Variants in TMEM74 observed in about 807,000 individuals in gnomAD.
TMEM74 encodes the protein transmembrane protein 74.
TMEM74 carries 13 observed loss-of-function variants against 18.1 expected under a neutral mutation model. The ratio of observed to expected loss-of-function variants is 0.72; its 90% CI spans 0.47 to 1.14. The LOEUF is 1.14. Ranked by LOEUF, TMEM74 falls within the 50% of genes most tolerant of loss-of-function variation. The pLI, the probability that TMEM74 is intolerant of heterozygous loss-of-function variation, is 0.00. For missense variants in TMEM74, 372 were observed against 375.9 expected, an observed-to-expected ratio of 0.99 and a Z score of 0.09; for synonymous variants, 159 against 146.6, an observed-to-expected ratio of 1.08 and a Z score of -0.61.
chr8:108,613,172 C>T (rs1319117837), intron 2 of TMEM74, among the ~76,000 whole-genome samples: 1 of 152,152 alleles, frequency 6.6e-6, no homozygotes, highest in East Asian at 1.9e-4. Flanking sequence ...AATTACTTGC[C>T]CACTTCTTCA....
intron 1 of TMEM74, among the ~76,000 whole-genome samples, chr8:108,676,026 A>G (rs930376238): frequency 6.6e-6 from 1 of 152,212 alleles, no homozygotes; most frequent in African/African-American, 2.4e-5. Context: ...TTTAAAAAGG[A>G]CATACATGTA....
At position 108,702,841 on chromosome 8, in the gene TMEM74, GT is replaced by G. The variant is rs559516778; in HGVS notation, n.120-47405del. ...CATGAAATAACTTATTGGTAAGCAC[GT>G]TTTTTCTGTGAATCTAAAACTATTC... On this transcript the variant is annotated intron_variant and non_coding_transcript_variant, in intron 1 of 3. Coordinates refer to the TMEM74 transcript ENST00000518838. 3.3e-3 allele frequency among the ~76,000 whole-genome samples: 468 copies of G among 140,878 alleles called. 1 individual carries two copies. The highest frequency in any genetic ancestry group is 5.5e-3 in the Non-Finnish European group (362 of 66,374). The allele number at this position is 140,878 out of a possible 152,430, so 92.4% of individuals were successfully genotyped here.
intron 1 of TMEM74, among the ~76,000 whole-genome samples, chr8:108,669,332 C>T (rs1244990918): frequency 2.0e-5 from 3 of 152,110 alleles, no homozygotes; most frequent in Non-Finnish European, 4.4e-5. Context: ...AAGGAGGACA[C>T]ACACAAGTTA....
At chr8:108,768,391 A>G (rs1053389411) in intron 1 of TMEM74, among the ~76,000 whole-genome samples, 2 of 151,848 alleles carry the variant, frequency 1.3e-5, no homozygotes, top group African/African-American at 4.8e-5. Context: ...AACTATCCTC[A>G]CCTACTTTTC....
At chr8:108,636,382 A>C (rs1812606801) in intron 2 of TMEM74, among the ~76,000 whole-genome samples, 2 of 152,094 alleles carry the variant, frequency 1.3e-5, no homozygotes, top group South Asian at 2.1e-4. Context: ...ACCAACCATC[A>C]ATGACAAGTT....
At chr8:108,759,645 G>A (rs1400136700) in intron 1 of TMEM74, among the ~76,000 whole-genome samples, 2 of 152,096 alleles carry the variant, frequency 1.3e-5, no homozygotes, top group Non-Finnish European at 2.9e-5. Flanking sequence ...CACAGATGTG[G>A]TCTCATTGGT....
At chr8:108,657,040 T>C (rs2130576501) in intron 1 of TMEM74, among the ~76,000 whole-genome samples, 1 of 152,286 alleles carries the variant, frequency 6.6e-6, no homozygotes, top group Middle Eastern at 3.4e-3. Flanking sequence ...GTAATAGTCA[T>C]AAAGTGCATT....
chr8:108,704,042 T>C (rs1563530527), intron 1 of TMEM74, among the ~76,000 whole-genome samples: 1 of 152,246 alleles, frequency 6.6e-6, no homozygotes, highest in Non-Finnish European at 1.5e-5. Context: ...TGAAAATTCT[T>C]ACAGTTCATG....
chr8:108,746,714 T>C (rs1333366509), intron 1 of TMEM74, among the ~76,000 whole-genome samples: 1 of 152,032 alleles, frequency 6.6e-6, no homozygotes, highest in Non-Finnish European at 1.5e-5. Context: ...GGGTTGGAAC[T>C]TTCACCACTG....
chr8:108,613,800 G>A (rs923964862), intron 2 of TMEM74, among the ~76,000 whole-genome samples: 1 of 152,120 alleles, frequency 6.6e-6, no homozygotes, highest in South Asian at 2.1e-4. Flanking sequence ...CATCAAATGG[G>A]ACAGTATCAT....
chr8:108,724,701 C>G (rs539618305), intron 1 of TMEM74, among the ~76,000 whole-genome samples: 1 of 152,156 alleles, frequency 6.6e-6, no homozygotes, highest in Non-Finnish European at 1.5e-5. Flanking sequence ...AAGCACCTCA[C>G]TATGCATATC....
At chr8:108,729,988 T>C (rs951883695) in intron 1 of TMEM74, among the ~76,000 whole-genome samples, 1 of 152,190 alleles carries the variant, frequency 6.6e-6, no homozygotes, top group African/African-American at 2.4e-5. Context: ...CCACGAATAC[T>C]TCCAAAGTAA....
intron 2 of TMEM74, among the ~76,000 whole-genome samples, chr8:108,649,022 G>A (rs531076906): frequency 6.6e-5 from 10 of 152,192 alleles, no homozygotes; most frequent in Admixed American, 2.6e-4. Flanking sequence ...GGACTTTTAC[G>A]TGGGTTCTTT....
At chr8:108,727,445 A>AAT (rs1813650385) in intron 1 of TMEM74, among the ~76,000 whole-genome samples, 1 of 152,154 alleles carries the variant, frequency 6.6e-6, no homozygotes, top group Admixed American at 6.5e-5. Flanking sequence ...TTAGATGTGG[A>AAT]ATATGATGGA....
chr8:108,749,507 T>C (rs1813883957), intron 1 of TMEM74, among the ~76,000 whole-genome samples: 1 of 152,172 alleles, frequency 6.6e-6, no homozygotes, highest in African/African-American at 2.4e-5. Context: ...TTTTATATCC[T>C]GAGACTTTGC....
chr8:108,617,957 A>C (rs754340928), intron 2 of TMEM74, among the ~76,000 whole-genome samples: 5 of 152,030 alleles, frequency 3.3e-5, no homozygotes, highest in Non-Finnish European at 7.4e-5. Context: ...CGTGATGCTA[A>C]GATTTATAGT....
intron 2 of TMEM74, among the ~76,000 whole-genome samples, chr8:108,618,478 C>A (rs1812407792): frequency 2.6e-5 from 4 of 152,124 alleles, no homozygotes; most frequent in African/African-American, 2.4e-5. Flanking sequence ...ACATGATAGA[C>A]AATCATAAAG....
intron 1 of TMEM74, among the ~76,000 whole-genome samples, chr8:108,666,861 CA>C (rs1812954051): frequency 6.6e-6 from 1 of 152,102 alleles, no homozygotes; most frequent in Non-Finnish European, 1.5e-5. Context: ...TAATTCAGCC[CA>C]AGTGGCACTT....
At chr8:108,652,586 GA>G in intron 2 of TMEM74, 1 of 613,898 alleles carries the variant, frequency 1.6e-6, no homozygotes, top group Non-Finnish European at 3.1e-6. Context: ...AATATCCAGA[GA>G]AAACAGAGAC....
Sources: gnomAD v4.1 joint callset for allele counts (sites outside exome capture counted in the v4.1 genomes callset) on GRCh38, gnomAD v4.1.1 for gene constraint, MANE v1.5 for transcripts, NCBI Gene and HGNC (gene_info 2026-07-23, HGNC 2026-07-21) for gene names.